Variants in PRIM2 observed in about 807,000 individuals in gnomAD.
PRIM2 encodes the protein DNA primase subunit 2.
PRIM2 carries 39 observed loss-of-function variants against 67.3 expected under a neutral mutation model. That is an observed-to-expected ratio of 0.58 (90% CI 0.45 to 0.76). PRIM2 has a LOEUF of 0.76. PRIM2 is among the 30% of genes least tolerant of loss of function. PRIM2 has a pLI of 0.00. For missense variants in PRIM2, 398 were observed against 598.7 expected (o/e 0.66, Z 3.50); for synonymous variants, 143 against 198.7 (o/e 0.72, Z 2.36).
chr6:57,436,364 T>C (rs770321509), intron 7 of PRIM2, among the ~76,000 whole-genome samples: 1 of 152,202 alleles, frequency 6.6e-6, no homozygotes, highest in Non-Finnish European at 1.5e-5. Flanking sequence ...GATTTGTCAG[T>C]TGTCACACTT....
chr6:57,504,593 A>T (rs1409633505), intron 7 of PRIM2, among the ~76,000 whole-genome samples: 1 of 151,392 alleles, frequency 6.6e-6, no homozygotes, highest in Non-Finnish European at 1.5e-5. Context: ...GAAATAGCCC[A>T]AACTTAAACA....
At chr6:57,288,031 G>A in the PRIM2 span, among the ~76,000 whole-genome samples, 10 of 152,204 alleles carry the variant, frequency 6.6e-5, no homozygotes, top group Non-Finnish European at 1.5e-4. Flanking sequence ...AAGGGAAGCT[G>A]TGACAGTCTA....
chr6:57,542,359 G>A (rs1775178412), intron 10 of PRIM2, among the ~76,000 whole-genome samples: 1 of 152,084 alleles, frequency 6.6e-6, no homozygotes, highest in Non-Finnish European at 1.5e-5. Flanking sequence ...TAAATTGGGA[G>A]AAGAAAAAGG....
At chr6:57,337,285 A>C (rs1360348393) in intron 5 of PRIM2, among the ~76,000 whole-genome samples, 3 of 152,200 alleles carry the variant, frequency 2.0e-5, no homozygotes, top group Admixed American at 1.3e-4. Context: ...CCCACTGTCA[A>C]CATTAGACAG....
At chr6:57,607,382 A>T (rs1191294672) in intron 12 of PRIM2, among the ~76,000 whole-genome samples, 12 of 152,254 alleles carry the variant, frequency 7.9e-5, no homozygotes, top group Admixed American at 2.6e-4. Flanking sequence ...AAAAAAAAAC[A>T]TAAACCAAGT....
At chr6:57,423,753 T>C (rs1771535409) in intron 7 of PRIM2, among the ~76,000 whole-genome samples, 1 of 152,222 alleles carries the variant, frequency 6.6e-6, no homozygotes, top group Non-Finnish European at 1.5e-5. Flanking sequence ...AAGGATCCCG[T>C]GCTGCCTGGT....
At chr6:57,326,222 A>AG in intron 5 of PRIM2, 177 bp downstream of exon 5, 1 of 522,246 alleles carries the variant, frequency 1.9e-6, no homozygotes, top group Non-Finnish European at 2.9e-6. Flanking sequence ...ACTAGAAGAA[A>AG]AGGACTCCTT....
intron 7 of PRIM2, among the ~76,000 whole-genome samples, chr6:57,425,124 C>CT (rs1355413993): frequency 6.6e-6 from 1 of 152,030 alleles, no homozygotes; most frequent in African/African-American, 2.4e-5. Context: ...TGTTCTGTGT[C>CT]TATCTAGTTT....
At chr6:57,325,592 C>A (rs186446177) in intron 4 of PRIM2, among the ~76,000 whole-genome samples, 1 of 152,284 alleles carries the variant, frequency 6.6e-6, no homozygotes, top group East Asian at 1.9e-4. Flanking sequence ...CGACGCCCAG[C>A]CCCTATTTTC....
intron 7 of PRIM2, among the ~76,000 whole-genome samples, chr6:57,452,797 C>T (rs576309873): frequency 1.3e-5 from 2 of 152,148 alleles, no homozygotes; most frequent in African/African-American, 4.8e-5. Flanking sequence ...TGATTAGATC[C>T]CATTTGTCAA....
At chr6:57,267,524 G>A in the PRIM2 span, among the ~76,000 whole-genome samples, 1 of 151,900 alleles carries the variant, frequency 6.6e-6, no homozygotes, top group Admixed American at 6.6e-5. Flanking sequence ...CACTTTCTAC[G>A]AGCAATACCA....
chr6:57,459,657 G>T (rs1337091026), intron 7 of PRIM2, among the ~76,000 whole-genome samples: 67 of 152,292 alleles, frequency 4.4e-4, no homozygotes, highest in Admixed American at 2.3e-3. Context: ...CATAGGGAAG[G>T]CCTCCATGCA....
In PRIM2 at chr6:57,621,076, T is replaced by G. The variant is rs1363006071; in HGVS notation, c.1231-11057T>G. 4.6e-5 allele frequency among the ~76,000 whole-genome samples: 7 copies of G among 152,342 alleles called. No homozygotes were observed. In the East Asian group the frequency reaches 1.3e-3, roughly 29 times the overall value. The stretch of plus-strand genomic sequence containing the variant: ...TTAGTACCTTCTTTTGCATTAAATT[T>G]TTTTTGGTAGTGTACTTAGTCTGTT... On this transcript the variant is annotated intron_variant, in intron 12 of 13. Transcript: ENST00000615550.
the PRIM2 span, among the ~76,000 whole-genome samples, chr6:57,269,679 G>C: frequency 6.6e-6 from 1 of 151,992 alleles, no homozygotes; most frequent in Non-Finnish European, 1.5e-5. Context: ...CATTGCTTTT[G>C]GTGTTTTAGA....
At chr6:57,484,125 T>TA (rs1440404363) in intron 7 of PRIM2, among the ~76,000 whole-genome samples, 2 of 152,246 alleles carry the variant, frequency 1.3e-5, no homozygotes, top group Non-Finnish European at 2.9e-5. Context: ...TATGTATAGC[T>TA]AAAATTTATT....
intron 12 of PRIM2, among the ~76,000 whole-genome samples, chr6:57,607,110 G>A (rs1236804037): frequency 2.0e-4 from 31 of 152,304 alleles, no homozygotes; most frequent in African/African-American, 7.0e-4. Context: ...AATAGGGGAA[G>A]AGCTTCTGCT....
chr6:57,455,369 T>C (rs1477299336), intron 7 of PRIM2, among the ~76,000 whole-genome samples: 1 of 152,214 alleles, frequency 6.6e-6, no homozygotes, highest in Non-Finnish European at 1.5e-5. Flanking sequence ...TTGATCTGTC[T>C]AATGTTGACA....
At chr6:57,539,317 AC>A (rs1775085145) in intron 10 of PRIM2, among the ~76,000 whole-genome samples, 1 of 152,174 alleles carries the variant, frequency 6.6e-6, no homozygotes, top group South Asian at 2.1e-4. Flanking sequence ...ACTGCTTTTC[AC>A]CATTCTAAAA....
At chr6:57,477,604 CAT>C (rs1281048732) in intron 7 of PRIM2, among the ~76,000 whole-genome samples, 3 of 152,166 alleles carry the variant, frequency 2.0e-5, no homozygotes, top group African/African-American at 4.8e-5. Flanking sequence ...TTCATATTCA[CAT>C]ATGTCTTAGC....
Sources: gnomAD v4.1 joint callset for allele counts (sites outside exome capture counted in the v4.1 genomes callset) on GRCh38, gnomAD v4.1.1 for gene constraint, MANE v1.5 for transcripts, NCBI Gene and HGNC (gene_info 2026-07-23, HGNC 2026-07-21) for gene names.